The following SNX7 variants were observed in gnomAD, a reference collection of about 807,000 sequenced individuals.
SNX7 encodes the protein sorting nexin-7.
Under a neutral mutation model 48.4 loss-of-function variants are expected in SNX7, and 35 were observed. The observed-to-expected ratio is 0.72, with a 90% CI of 0.55 to 0.96. The LOEUF is 0.96. SNX7 is among the 40% of genes least tolerant of loss of function. SNX7 has a pLI of 0.00. For synonymous variants in SNX7, 190 were observed against 190.2 expected (o/e 1.00, Z 0.01); for missense variants, 553 against 548.9 (o/e 1.01, Z -0.07).
chr1:98,705,703 G>A (rs974090352), intron 7 of SNX7, among the ~76,000 whole-genome samples: 1 of 151,910 alleles, frequency 6.6e-6, no homozygotes, highest in South Asian at 2.1e-4. Context: ...TGGAGGGGAG[G>A]GTACAGTAAG....
chr1:98,717,390 C>A (rs1254125706), intron 7 of SNX7, among the ~76,000 whole-genome samples: 1 of 152,160 alleles, frequency 6.6e-6, no homozygotes, highest in African/African-American at 2.4e-5. Context: ...CAACATTGCA[C>A]ATGCAGGAAT....
At chr1:98,685,096 T>G (rs563400598) in intron 2 of SNX7, 29 bp downstream of exon 2, 4 of 1,336,456 alleles carry the variant, frequency 3.0e-6, no homozygotes, top group African/African-American at 1.5e-5. Context: ...TTTTCTTGAA[T>G]ATAGCTGCTT....
intron 8 of SNX7, among the ~76,000 whole-genome samples, chr1:98,754,171 A>T (rs1654729884): frequency 6.6e-6 from 1 of 152,044 alleles, no homozygotes; most frequent in African/African-American, 2.4e-5. Flanking sequence ...TCATTTGATA[A>T]ATACTTGAAT....
intron 7 of SNX7, among the ~76,000 whole-genome samples, chr1:98,723,507 C>T (rs1047307232): frequency 6.6e-6 from 1 of 151,572 alleles, no homozygotes; most frequent in Non-Finnish European, 1.5e-5. Flanking sequence ...TTTTGCATAC[C>T]TATTCTATAT....
At chr1:98,743,210 A>AG (rs1491553123) in intron 8 of SNX7, among the ~76,000 whole-genome samples, 3 of 151,960 alleles carry the variant, frequency 2.0e-5, no homozygotes, top group Admixed American at 1.3e-4. Flanking sequence ...TAATAAACAC[A>AG]GGGGTGGCGT....
At chr1:98,732,986 G>A (rs72726139) in intron 7 of SNX7, among the ~76,000 whole-genome samples, 40,073 of 151,842 alleles carry the variant, frequency 0.26, 5,620 homozygotes, top group South Asian at 0.31. Context: ...TATGTCAATC[G>A]GTGTATCCAT....
intron 2 of SNX7, among the ~76,000 whole-genome samples, chr1:98,687,317 A>T (rs1445243513): frequency 6.6e-6 from 1 of 152,102 alleles, no homozygotes; most frequent in Admixed American, 6.6e-5. Context: ...TTGTGCATTT[A>T]GGTATGGATG....
chr1:98,691,684 C>G lies in SNX7; in HGVS notation c.624C>G (p.Leu208=). ...LTFNEDFKIF[L]TAQAWELSSH... is the part of the protein sequence containing the mutation. ...TTAATGAAGACTTCAAAATTTTTCT[C>G]ACTGCACAAGCTTGGGTAAATGATT... The change falls in exon 4 of 9, where the codon CTC becomes CTG. Residue 208 remains leucine (L), a synonymous_variant. Transcript: ENST00000306121. The G allele has an allele frequency of 6.2e-7, 1 of 1,605,984 alleles. No homozygotes were observed. Among genetic ancestry groups the G allele is most frequent in the African/African-American group, 1.3e-5 (1 of 74,452 alleles).
intron 8 of SNX7, among the ~76,000 whole-genome samples, chr1:98,756,860 T>C (rs559498342): frequency 6.8e-4 from 103 of 152,232 alleles, no homozygotes; most frequent in Non-Finnish European, 1.2e-3. Context: ...AGTTTAGATA[T>C]TCGTCCCCAC....
At chr1:98,722,582 G>A (rs991328581) in intron 7 of SNX7, among the ~76,000 whole-genome samples, 2 of 151,852 alleles carry the variant, frequency 1.3e-5, no homozygotes, top group African/African-American at 4.8e-5. Context: ...TAATTTCCCA[G>A]CTTTTCTGAT....
In SNX7 at chr1:98,672,894, G is replaced by A. The variant is rs12562299; in HGVS notation, c.180+10983G>A. Among the ~76,000 whole-genome samples, 4,155 of 128,344 alleles carry A rather than the reference G, an allele frequency of 0.032. 320 individuals carry two copies. In the East Asian group the frequency reaches 0.36, roughly 11 times the overall value. 84.2% of individuals were successfully genotyped at this position (128,344 alleles called of 152,430 possible). A position where few individuals can be genotyped will look rare whatever the true frequency, so the allele number is the denominator to read the frequency against. ...AGCCGAGATTGCGCCACTGCAGTCCGCAGTCCGGCCTGGGCGACAGAGCGA... is the reference window on the plus strand; with the variant it reads ...AGCCGAGATTGCGCCACTGCAGTCCACAGTCCGGCCTGGGCGACAGAGCGA... On this transcript the variant is annotated intron_variant, in intron 1 of 8. Transcript: ENST00000306121.
At chr1:98,746,189 C>T (rs1654301309) in intron 8 of SNX7, among the ~76,000 whole-genome samples, 1 of 151,928 alleles carries the variant, frequency 6.6e-6, no homozygotes. Context: ...GTAAGCTGAA[C>T]TCAGGGAAAT....
At chr1:98,676,880 A>G (rs1031306421) in intron 1 of SNX7, among the ~76,000 whole-genome samples, 1 of 152,224 alleles carries the variant, frequency 6.6e-6, no homozygotes, top group African/African-American at 2.4e-5. Context: ...AGTCAATGGC[A>G]GAGATAGGAC....
rs554693747 is a variant in SNX7 at position 98,682,083 on chromosome 1, T to C, written c.181-2802T>C. Among the ~76,000 whole-genome samples, 8 of 82,720 alleles carry C rather than the reference T, an allele frequency of 9.7e-5. No individual in the cohort carries two copies. In the South Asian group the frequency reaches 2.7e-3, roughly 28 times the overall value. 54.3% of individuals were successfully genotyped at this position (82,720 alleles called of 152,430 possible). A position where few individuals can be genotyped will look rare whatever the true frequency, so the allele number is the denominator to read the frequency against. On this transcript the variant is annotated intron_variant, in intron 1 of 8. Coordinates refer to ENST00000306121, the MANE Select transcript of SNX7 (RefSeq NM_015976.5). ...CATTATCAGTTTTCTTTTCTTCCTT[T>C]TTTTGTCCTTCTTTTACTTCCTTTT... is the stretch of plus-strand genomic sequence containing the variant.
At position 98,701,893 on chromosome 1, in the gene SNX7, A is replaced by G. The variant is rs756488837; in HGVS notation, c.1115A>G (p.Asp372Gly). 5.6e-6 allele frequency: 9 copies of G among 1,606,636 alleles called. No individual in the cohort carries two copies. The Admixed American group carries it at 6.8e-5, about 12-fold the overall frequency. Residue 372 changes from aspartate (D) to glycine (G), a missense_variant, in exon 7 of 9, where the codon GAT becomes GGT. Transcript: ENST00000306121. Reference protein sequence around the residue: ...KVEVLTYKKADTDLLPEEIGK... With the variant: ...KVEVLTYKKAGTDLLPEEIGK... Reference sequence around the variant, plus strand: ...GAAGTTTTGACCTATAAAAAGGCAGATACTGATCTGGTAAGTTTTTAAGTT... The same window carrying G: ...GAAGTTTTGACCTATAAAAAGGCAGGTACTGATCTGGTAAGTTTTTAAGTT...
intron 8 of SNX7, among the ~76,000 whole-genome samples, chr1:98,752,256 G>A (rs1321526488): frequency 1.3e-5 from 2 of 151,782 alleles, no homozygotes; most frequent in African/African-American, 2.4e-5. Context: ...TTTTCCTTAG[G>A]TTTCGTACTC....
intron 5 of SNX7, among the ~76,000 whole-genome samples, chr1:98,696,536 G>A (rs1651469855): frequency 6.6e-6 from 1 of 152,034 alleles, no homozygotes; most frequent in African/African-American, 2.4e-5. Flanking sequence ...TTGGAATGGT[G>A]TAGGAAAAGG....
At chr1:98,756,450 AT>A (rs1654862393) in intron 8 of SNX7, among the ~76,000 whole-genome samples, 1 of 66,226 alleles carries the variant, frequency 1.5e-5, no homozygotes, top group African/African-American at 5.4e-5. Flanking sequence ...TTTTTTTAAT[AT>A]TGGTTGTAGT....
chr1:98,715,109 G>A (rs1289655507), intron 7 of SNX7, among the ~76,000 whole-genome samples: 2 of 151,980 alleles, frequency 1.3e-5, no homozygotes, highest in East Asian at 3.9e-4. Context: ...ATTATCAAAT[G>A]CTCAGACCCA....
Sources: allele counts gnomAD v4.1 joint callset (sites outside exome capture counted in the v4.1 genomes callset), GRCh38; gene constraint gnomAD v4.1.1; transcripts MANE v1.5; gene names NCBI Gene and HGNC (gene_info 2026-07-23, HGNC 2026-07-21).